Variants in ACACA observed in about 807,000 individuals in gnomAD.
The protein encoded by ACACA is acetyl-CoA carboxylase alpha.
A neutral mutation model predicts 296.1 loss-of-function variants in ACACA; 103 were observed. That is an observed-to-expected ratio of 0.35 (90% CI 0.30 to 0.41). The LOEUF (loss-of-function observed/expected upper bound fraction) is 0.41. Among genes scored for constraint, ACACA ranks in the 10% least tolerant of loss-of-function variants. The pLI is 1.00. For synonymous variants in ACACA, 953 were observed against 1,038.6 expected (o/e 0.92, Z 1.58); for missense variants, 1,554 against 2,989.7 (o/e 0.52, Z 11.20).
chr17:37,181,899 CCAAAAAAAAAAA>C (rs2077336426), intron 39 of ACACA, among the ~76,000 whole-genome samples: 1 of 36,362 alleles, frequency 2.8e-5, no homozygotes, highest in African/African-American at 1.8e-4. Context: ...GACTCTGTAT[CCAAAAAAAAAAA>C]AAAAAAAAAA....
intron 45 of ACACA, chr17:37,144,085 T>C: frequency 3.9e-6 from 3 of 762,394 alleles, no homozygotes; most frequent in Non-Finnish European, 2.4e-6. Flanking sequence ...TTCTCTTTCA[T>C]AATGGGTCTT....
intron 2 of ACACA, among the ~76,000 whole-genome samples, chr17:37,333,427 A>G (rs1054378284): frequency 1.1e-4 from 16 of 152,158 alleles, no homozygotes; most frequent in Non-Finnish European, 2.1e-4. Context: ...AGGACCCTCC[A>G]TTAGAAATGC....
intron 1 of ACACA, among the ~76,000 whole-genome samples, chr17:37,394,267 A>G (rs1047837982): frequency 2.0e-5 from 3 of 151,144 alleles, no homozygotes; most frequent in African/African-American, 7.3e-5. Flanking sequence ...CTGGAGTGCA[A>G]TGGTTCAATC....
chr17:37,170,050 T>C (rs1157154194), intron 41 of ACACA, among the ~76,000 whole-genome samples: 1 of 152,134 alleles, frequency 6.6e-6, no homozygotes, highest in Non-Finnish European at 1.5e-5. Flanking sequence ...TTGTCATTAC[T>C]ATAGCCATGA....
rs2082032432 is a variant in ACACA, at chr17:37,270,757, G to A, written c.1113C>T (p.Phe371=). 4 of 1,611,922 alleles carry A rather than the reference G, an allele frequency of 2.5e-6. No homozygotes were observed. The highest frequency in any genetic ancestry group is 3.4e-6 in the Non-Finnish European group (4 of 1,178,036). Reference sequence around the variant, plus strand: ...AAAACAGCTTATACTCTACCTGTCTGAAGAGATTAGGGAAGTCATCTGCAT... The same window carrying A: ...AAAACAGCTTATACTCTACCTGTCTAAAGAGATTAGGGAAGTCATCTGCAT... ...VNNADDFPNL[F]RQVQAEVPGS... is the part of the protein sequence containing the mutation. Residue 371 remains phenylalanine, a synonymous_variant, in exon 10 of 56, where the codon TTC becomes TTT. Transcript: ENST00000616317.
chr17:37,155,716 T>C lies in ACACA; in HGVS notation c.5414A>G (p.His1805Arg), dbSNP rs2076214918. 6.2e-7 allele frequency: 1 copy of C among 1,611,534 alleles called. No homozygotes were observed. The highest frequency in any genetic ancestry group is 8.5e-7 in the Non-Finnish European group (1 of 1,178,934). Residue 1805 changes from histidine (H) to arginine (R), a missense_variant, in exon 43 of 56, where the codon CAT becomes CGT. His to Arg is a conservative substitution (Grantham distance 29, BLOSUM62 0). Transcript: ENST00000616317. ...YKRVSALNSV[H>R]CEHVEDEGES... ...TCCTTCATCTTCCACGTGTTCACAATGGACAGAGTTGAGAGCACTGACTCT... is the reference window on the plus strand; with the variant it reads ...TCCTTCATCTTCCACGTGTTCACAACGGACAGAGTTGAGAGCACTGACTCT...
At chr17:37,096,420 T>C (rs2142695993) in intron 54 of ACACA, among the ~76,000 whole-genome samples, 1 of 152,258 alleles carries the variant, frequency 6.6e-6, no homozygotes, top group Non-Finnish European at 1.5e-5. Flanking sequence ...GATGATGCTG[T>C]TCCTTCTGCA....
intron 1 of ACACA, chr17:37,359,181 C>T: frequency 4.1e-6 from 4 of 967,896 alleles, no homozygotes; most frequent in Non-Finnish European, 4.9e-6. Context: ...GCCCCTGTCT[C>T]CCACCTCAGC....
intron 1 of ACACA, among the ~76,000 whole-genome samples, chr17:37,379,816 C>T (rs1393720954): frequency 2.0e-5 from 3 of 147,552 alleles, no homozygotes; most frequent in Non-Finnish European, 4.5e-5. Context: ...AACACTTTTA[C>T]ACTGTTGGTG....
intron 40 of ACACA, among the ~76,000 whole-genome samples, chr17:37,179,752 C>T (rs1156230205): frequency 1.3e-5 from 2 of 151,972 alleles, no homozygotes; most frequent in Non-Finnish European, 2.9e-5. Context: ...AAGGAAAATC[C>T]TAAAGAAACT....
At chr17:37,280,721 T>C (rs964807661) in intron 5 of ACACA, among the ~76,000 whole-genome samples, 1 of 130,868 alleles carries the variant, frequency 7.6e-6, no homozygotes, top group Admixed American at 8.5e-5. Flanking sequence ...CTTCAACTTT[T>C]ACATAGTTAA....
chr17:37,143,655 GA>G (rs374735328), intron 45 of ACACA: 1 of 893,776 alleles, frequency 1.1e-6, no homozygotes, highest in Non-Finnish European at 1.8e-6. Context: ...TTATAGACAA[GA>G]AAAAAATCTG....
At chr17:37,344,387 G>T (rs2048521154) in intron 1 of ACACA, among the ~76,000 whole-genome samples, 1 of 151,706 alleles carries the variant, frequency 6.6e-6, no homozygotes, top group African/African-American at 2.4e-5. Flanking sequence ...GTGAAACCCA[G>T]TCTCTACTAA....
At chr17:37,280,433 C>A (rs1033071808) in intron 5 of ACACA, among the ~76,000 whole-genome samples, 1 of 152,114 alleles carries the variant, frequency 6.6e-6, no homozygotes, top group African/African-American at 2.4e-5. Context: ...CCTTGAACTC[C>A]TGGGTTCAAG....
intron 35 of ACACA, among the ~76,000 whole-genome samples, chr17:37,198,230 T>C (rs745426018): frequency 2.0e-5 from 3 of 152,218 alleles, no homozygotes; most frequent in Non-Finnish European, 4.4e-5. Flanking sequence ...TTGCTAAAAA[T>C]TTTAGTGAAC....
At chr17:37,165,964 A>G (rs920238124) in intron 41 of ACACA, among the ~76,000 whole-genome samples, 1 of 152,042 alleles carries the variant, frequency 6.6e-6, no homozygotes, top group Admixed American at 6.5e-5. Flanking sequence ...GGCGTGAGCC[A>G]CCTTGCCCAG....
At chr17:37,146,606 T>C (rs1326581081) in intron 45 of ACACA, among the ~76,000 whole-genome samples, 1 of 147,506 alleles carries the variant, frequency 6.8e-6, no homozygotes, top group Admixed American at 6.9e-5. Flanking sequence ...TCGTGGTTTA[T>C]ATCTTATTAT....
intron 1 of ACACA, among the ~76,000 whole-genome samples, chr17:37,349,376 T>TAC (rs1437081705): frequency 1.4e-5 from 2 of 146,122 alleles, no homozygotes; most frequent in East Asian, 4.0e-4. Context: ...AACATATTCT[T>TAC]ACATATATAT....
intron 26 of ACACA, among the ~76,000 whole-genome samples, 191 bp downstream of exon 26, chr17:37,226,148 G>A (rs972549988): frequency 7.2e-5 from 11 of 152,184 alleles, no homozygotes; most frequent in African/African-American, 1.9e-4. Context: ...TTAAAGAGAC[G>A]CAGCACTAAT....
Sources: gnomAD v4.1 joint callset for allele counts (sites outside exome capture counted in the v4.1 genomes callset) on GRCh38, gnomAD v4.1.1 for gene constraint, MANE v1.5 for transcripts, NCBI Gene and HGNC (gene_info 2026-07-23, HGNC 2026-07-21) for gene names.